The following ERLEC1 variants were observed in gnomAD, a reference collection of about 807,000 sequenced individuals.
ERLEC1 encodes ER lectin.
In ERLEC1, 47 loss-of-function variants were observed where a neutral mutation model predicts 68.0. The ratio of observed to expected loss-of-function variants is 0.69; its 90% CI spans 0.55 to 0.88. The LOEUF is 0.88. Ranked by LOEUF, ERLEC1 falls within the 40% of genes least tolerant of loss-of-function variation. ERLEC1 has a pLI of 0.00. For missense variants in ERLEC1, 567 were observed against 583.8 expected (o/e 0.97, Z 0.30); for synonymous variants, 225 against 203.2 (o/e 1.11, Z -0.91).
intron 8 of ERLEC1, among the ~76,000 whole-genome samples, chr2:53,804,196 T>G (rs2104312052): frequency 6.6e-6 from 1 of 152,306 alleles, no homozygotes; most frequent in South Asian, 2.1e-4. Context: ...TTTTTGTGGG[T>G]ACATAGCAGG....
In ERLEC1 at chr2:53,818,579, A is replaced by C. The variant is rs1677019903; in HGVS notation, c.*610A>C. 1 of 152,142 alleles carries C rather than the reference A, an allele frequency of 6.6e-6. No individual in the cohort carries two copies. Among genetic ancestry groups the C allele is most frequent in the South Asian group, 2.1e-4 (1 of 4,828 alleles). 9.4% of individuals were successfully genotyped at this position (152,142 alleles called of 1,614,324 possible). A position where few individuals can be genotyped will look rare whatever the true frequency, so the allele number is the denominator to read the frequency against. ...TATAATAGGTTGCTTCTCTCTCAGA[A>C]CTTTTATCTATTACTTTTTTCTTCT... On this transcript the variant is annotated 3_prime_UTR_variant, in exon 14 of 14. Coordinates refer to ENST00000185150, the MANE Select transcript of ERLEC1 (RefSeq NM_015701.5).
At chr2:53,807,277 A>T (rs1676344900) in intron 8 of ERLEC1, among the ~76,000 whole-genome samples, 1 of 152,192 alleles carries the variant, frequency 6.6e-6, no homozygotes, top group Non-Finnish European at 1.5e-5. Flanking sequence ...CATAAATCAC[A>T]AATTATTATT....
intron 5 of ERLEC1, 63 bp downstream of exon 5, chr2:53,797,858 A>G (rs754926914): frequency 4.8e-5 from 66 of 1,388,632 alleles, no homozygotes; most frequent in Non-Finnish European, 6.4e-5. Flanking sequence ...TATGTTCAAA[A>G]TGGAATTTAC....
chr2:53,796,100 G>T, intron 3 of ERLEC1, 87 bp downstream of exon 3: 2 of 908,232 alleles, frequency 2.2e-6, no homozygotes, highest in Non-Finnish European at 3.2e-6. Flanking sequence ...TCTTTATTAT[G>T]TTGTGTCAGG....
At position 53,813,275 on chromosome 2, in the gene ERLEC1, T is replaced by A. The variant is rs1406941751; in HGVS notation, c.1226+202T>A. 2.0e-5 allele frequency among the ~76,000 whole-genome samples: 3 copies of A among 152,224 alleles called. No homozygotes were observed. The East Asian group carries it at 5.8e-4, about 29-fold the overall frequency. The stretch of plus-strand genomic sequence containing the variant: ...GCACAGTCCCTGGAGTCAGACTACC[T>A]GGATTCAAATGCTGGCTCATCACTT... On this transcript the variant is annotated intron_variant, in intron 11 of 13. Transcript: ENST00000185150.
At position 53,814,575 on chromosome 2, in the gene ERLEC1, T is replaced by C. The variant is rs772582927; in HGVS notation, c.1259T>C (p.Ile420Thr). The change falls in exon 12 of 14, where the codon ATT becomes ACT. Residue 420 changes from isoleucine to threonine, a missense_variant. Physicochemically the swap from Ile to Thr is moderately conservative, Grantham distance 89 (BLOSUM62 -1). Transcript: ENST00000185150. ...MVSHFYGNGD[I>T]CDITDKPRQV... ...TCACATTTTTATGGAAATGGAGATA[T>C]TTGTGATATAACTGACAAACCAAGA... The C allele has an allele frequency of 6.8e-6, 11 of 1,612,010 alleles. No homozygotes were observed. The East Asian group carries it at 1.8e-4, about 26-fold the overall frequency.
chr2:53,817,046 C>G (rs532080492), intron 13 of ERLEC1, among the ~76,000 whole-genome samples: 1 of 152,158 alleles, frequency 6.6e-6, no homozygotes, highest in South Asian at 2.1e-4. Context: ...TCTGCTGTGC[C>G]CAGTCCATTG....
intron 2 of ERLEC1, among the ~76,000 whole-genome samples, chr2:53,795,494 A>G (rs1675645500): frequency 6.6e-6 from 1 of 152,366 alleles, no homozygotes; most frequent in African/African-American, 2.4e-5. Flanking sequence ...GTAAAAATAC[A>G]TAAAAAACTG....
At chr2:53,811,676 A>G (rs1028785356) in intron 10 of ERLEC1, among the ~76,000 whole-genome samples, 1 of 152,214 alleles carries the variant, frequency 6.6e-6, no homozygotes, top group African/African-American at 2.4e-5. Context: ...AATAGAAACA[A>G]AGGTTCAATA....
At chr2:53,790,357 C>G (rs1675324390) in intron 1 of ERLEC1, among the ~76,000 whole-genome samples, 1 of 152,088 alleles carries the variant, frequency 6.6e-6, no homozygotes, top group Non-Finnish European at 1.5e-5. Context: ...CTCGGCCTCC[C>G]AAAGTGCTGG....
In ERLEC1 at chr2:53,787,289, G is replaced by A; in HGVS notation, c.79G>A (p.Ala27Thr). Residue 27 changes from alanine (A) to threonine (T), a missense_variant, in exon 1 of 14, where the codon GCG (alanine) becomes ACG (threonine). By Grantham distance (58) the Ala-to-Thr change is moderately conservative. Transcript: ENST00000185150. ...VLLVLCGLLE[A>T]SGGGRALPQL... ...ACTGGTCCTCTGCGGCCTCCTGGAG[G>A]CGTCCGGCGGCGGCCGAGCCCTTCC... is the stretch of plus-strand genomic sequence containing the variant. The A allele has an allele frequency of 1.2e-6, 2 of 1,609,572 alleles. No homozygotes were observed. Among genetic ancestry groups the A allele is most frequent in the Non-Finnish European group, 1.7e-6 (2 of 1,179,978 alleles).
In ERLEC1 at chr2:53,802,766, C is replaced by G. The variant is rs942199888; in HGVS notation, c.879+924C>G. On this transcript the variant is annotated intron_variant, in intron 8 of 13. Coordinates refer to ENST00000185150, the MANE Select transcript of ERLEC1 (RefSeq NM_015701.5). ...CTTAAAAGTACCGCGGAGTTTTGCT[C>G]TCTCACCCAGGCTGGAGTGCAGTGG... 2.6e-5 allele frequency among the ~76,000 whole-genome samples: 4 copies of G among 152,134 alleles called. No individual in the cohort carries two copies. In the South Asian group the frequency reaches 8.3e-4, roughly 31 times the overall value.
intron 8 of ERLEC1, among the ~76,000 whole-genome samples, chr2:53,807,328 G>C (rs780977200): frequency 4.6e-5 from 7 of 152,096 alleles, no homozygotes; most frequent in Non-Finnish European, 1.0e-4. Flanking sequence ...TCTTTGTGAA[G>C]TCTTCATATT....
intron 1 of ERLEC1, among the ~76,000 whole-genome samples, chr2:53,790,181 C>T (rs1675313728): frequency 6.6e-6 from 1 of 151,846 alleles, no homozygotes; most frequent in Non-Finnish European, 1.5e-5. Context: ...GCAACTTCTG[C>T]CTCCCGGGTT....
At position 53,787,080 on chromosome 2, in the gene ERLEC1, G is replaced by A. The variant is rs1298592708; in HGVS notation, c.-131G>A. The A allele has an allele frequency of 1.6e-6, 2 of 1,262,824 alleles. No homozygotes were observed. Among genetic ancestry groups the A allele is most frequent in the East Asian group, 2.7e-5 (1 of 36,774 alleles). The allele number at this position is 1,262,824 out of a possible 1,614,324, so 78.2% of individuals were successfully genotyped here. On this transcript the variant is annotated 5_prime_UTR_variant, in exon 1 of 14. Transcript: ENST00000185150. ...TGCCGGGCTCTCCGGAAGGAGACGT[G>A]GCGGCGGTTGGGCCGGTGATACCCG...
intron 1 of ERLEC1, among the ~76,000 whole-genome samples, chr2:53,788,127 C>G (rs1462466743): frequency 6.6e-6 from 1 of 152,154 alleles, no homozygotes; most frequent in African/African-American, 2.4e-5. Flanking sequence ...AAATATTGTA[C>G]TCTTATGACA....
intron 1 of ERLEC1, among the ~76,000 whole-genome samples, chr2:53,793,670 C>T (rs537244812): frequency 2.6e-5 from 4 of 151,446 alleles, no homozygotes; most frequent in African/African-American, 9.7e-5. Flanking sequence ...TGATCTTGAA[C>T]TCCTGGGCTA....
intron 3 of ERLEC1, among the ~76,000 whole-genome samples, chr2:53,796,214 C>T (rs1299361880): frequency 1.3e-5 from 2 of 148,684 alleles, no homozygotes; most frequent in African/African-American, 4.9e-5. Flanking sequence ...TATTTAGTCA[C>T]CTAGATAATG....
chr2:53,796,139 T>C, intron 3 of ERLEC1, 126 bp downstream of exon 3: 1 of 605,602 alleles, frequency 1.7e-6, no homozygotes, highest in African/African-American at 1.9e-5. Context: ...ATTTTAGGTT[T>C]AGGGTTACCT....
Sources: allele counts gnomAD v4.1 joint callset (sites outside exome capture counted in the v4.1 genomes callset), GRCh38; gene constraint gnomAD v4.1.1; transcripts MANE v1.5; gene names NCBI Gene and HGNC (gene_info 2026-07-23, HGNC 2026-07-21).